The following SV2C variants were observed in gnomAD, a reference collection of about 807,000 sequenced individuals.
SV2C encodes the protein solute carrier family 22 member B3.
Under a neutral mutation model 79.7 loss-of-function variants are expected in SV2C, and 49 were observed. The observed-to-expected ratio is 0.61, with a 90% CI of 0.49 to 0.78. SV2C has a LOEUF of 0.78. Among genes scored for constraint, SV2C ranks in the 30% least tolerant of loss-of-function variants. The pLI, the probability that SV2C is intolerant of heterozygous loss-of-function variation, is 0.00. For missense variants in SV2C, 833 were observed against 912.9 expected, an observed-to-expected ratio of 0.91 and a Z score of 1.13; for synonymous variants, 334 against 333.2, an observed-to-expected ratio of 1.00 and a Z score of -0.03.
chr5:76,083,417 G>C lies in SV2C; in HGVS notation c.-197G>C, dbSNP rs936442091. 1 of 152,450 alleles carries C rather than the reference G, an allele frequency of 6.6e-6. No individual in the cohort carries two copies. Among genetic ancestry groups the C allele is most frequent in the Non-Finnish European group, 1.5e-5 (1 of 68,218 alleles). 9.4% of individuals were successfully genotyped at this position (152,450 alleles called of 1,614,324 possible). A position where few individuals can be genotyped will look rare whatever the true frequency, so the allele number is the denominator to read the frequency against. On this transcript the variant is annotated 5_prime_UTR_variant, in exon 1 of 13. Coordinates refer to ENST00000502798, the MANE Select transcript of SV2C (RefSeq NM_014979.4). ...CGCGCTGCAGGCGAGAGTGGCAGAC[G>C]GAGGCAGCCCGGGGAAGCGAGCCGG...
rs1748022007 is a variant in SV2C, at chr5:76,301,935, A to C, written c.2000+390A>C. On this transcript the variant is annotated intron_variant, in intron 12 of 12. Coordinates refer to ENST00000502798, the MANE Select transcript of SV2C (RefSeq NM_014979.4). ...AAAAAAAAAAAAAAAAAAAAAGCCA[A>C]ACTGTCACTTCCCCAGGAAAGTAAA... Among the ~76,000 whole-genome samples, 4 of 151,564 alleles carry C rather than the reference A, an allele frequency of 2.6e-5. No individual in the cohort carries two copies. The South Asian group carries it at 8.4e-4, about 32-fold the overall frequency.
chr5:75,994,403 G>A, the SV2C span, among the ~76,000 whole-genome samples: 1 of 152,016 alleles, frequency 6.6e-6, no homozygotes, highest in Non-Finnish European at 1.5e-5. Flanking sequence ...CTGAATGTAT[G>A]TCTTTGCTAA....
At chr5:76,286,669 T>A (rs1221102873) in intron 6 of SV2C, 1 of 152,204 alleles carries the variant, frequency 6.6e-6, no homozygotes, top group Non-Finnish European at 1.5e-5. Context: ...TACCCAAGAC[T>A]GGGCAATTTA....
chr5:75,995,951 T>C, the SV2C span, among the ~76,000 whole-genome samples: 4 of 152,238 alleles, frequency 2.6e-5, no homozygotes, highest in African/African-American at 4.8e-5. Flanking sequence ...CCAATGTACA[T>C]GTGGTAGAAA....
At chr5:75,916,849 G>C in the SV2C span, among the ~76,000 whole-genome samples, 1 of 152,174 alleles carries the variant, frequency 6.6e-6, no homozygotes, top group South Asian at 2.1e-4. Flanking sequence ...TGTTCCCCCA[G>C]TGCCAGCCTT....
intron 1 of SV2C, among the ~76,000 whole-genome samples, chr5:76,093,959 T>G (rs185790372): frequency 6.6e-6 from 1 of 152,274 alleles, no homozygotes; most frequent in East Asian, 1.9e-4. Context: ...TCAAGAAATG[T>G]TTTTGGAGCT....
intron 3 of SV2C, among the ~76,000 whole-genome samples, chr5:76,205,692 TA>T (rs1456743515): frequency 6.6e-6 from 1 of 152,242 alleles, no homozygotes. Context: ...TCAGTTAATG[TA>T]AAAGATATTT....
chr5:76,138,876 T>C (rs1434241953), intron 2 of SV2C, among the ~76,000 whole-genome samples: 1 of 152,236 alleles, frequency 6.6e-6, no homozygotes, highest in Non-Finnish European at 1.5e-5. Context: ...CCCAGCACTT[T>C]GGGAGGCTGA....
the SV2C span, among the ~76,000 whole-genome samples, chr5:75,903,347 G>A: frequency 6.6e-6 from 1 of 150,426 alleles, no homozygotes; most frequent in African/African-American, 2.4e-5. Flanking sequence ...GTGTAGGAGT[G>A]AGAGGTACCA....
the SV2C span, among the ~76,000 whole-genome samples, chr5:75,928,385 C>T: frequency 5.3e-5 from 8 of 152,108 alleles, no homozygotes; most frequent in South Asian, 2.1e-4. Flanking sequence ...TGAAAACGCC[C>T]GGGAGATGAT....
intron 4 of SV2C, among the ~76,000 whole-genome samples, chr5:76,277,402 C>G (rs1747055218): frequency 6.6e-6 from 1 of 152,188 alleles, no homozygotes. Context: ...CAACGGAATA[C>G]TACAACACAA....
At chr5:75,850,378 C>CA in the SV2C span, among the ~76,000 whole-genome samples, 1 of 151,908 alleles carries the variant, frequency 6.6e-6, no homozygotes, top group African/African-American at 2.4e-5. Context: ...TATATATTTG[C>CA]AAAAAAATCA....
At chr5:76,102,087 ACCTTT>A (rs1271289157) in intron 1 of SV2C, among the ~76,000 whole-genome samples, 1 of 152,156 alleles carries the variant, frequency 6.6e-6, no homozygotes, top group Admixed American at 6.5e-5. Context: ...TACCTGAATG[ACCTTT>A]GTAAAACACA....
chr5:76,146,797 T>TTTTTAAAA (rs755941303), intron 2 of SV2C, among the ~76,000 whole-genome samples: 1 of 39,348 alleles, frequency 2.5e-5, no homozygotes, highest in African/African-American at 1.4e-4. Context: ...AGTTTTTTTT[T>TTTTTAAAA]AAAAAAAAAA....
intron 6 of SV2C, among the ~76,000 whole-genome samples, chr5:76,289,691 G>A (rs1052342686): frequency 3.9e-5 from 6 of 152,102 alleles, no homozygotes; most frequent in Non-Finnish European, 8.8e-5. Context: ...CAGGAATCGC[G>A]AACTCTTTGC....
chr5:76,126,548 A>T (rs1748711861), intron 1 of SV2C, among the ~76,000 whole-genome samples: 1 of 152,174 alleles, frequency 6.6e-6, no homozygotes, highest in Admixed American at 6.5e-5. Flanking sequence ...GAGGTGTGGC[A>T]TCAGGGATAA....
chr5:76,026,930 C>T, the SV2C span, among the ~76,000 whole-genome samples: 1 of 152,006 alleles, frequency 6.6e-6, no homozygotes, highest in Non-Finnish European at 1.5e-5. Flanking sequence ...CAGACGTTGT[C>T]GTCCAACCCC....
chr5:75,870,798 G>T, the SV2C span, among the ~76,000 whole-genome samples: 1 of 152,188 alleles, frequency 6.6e-6, no homozygotes, highest in Non-Finnish European at 1.5e-5. Flanking sequence ...ATACAATGAA[G>T]CTCCAATACA....
chr5:76,103,443 G>A (rs1036588894), intron 1 of SV2C, among the ~76,000 whole-genome samples: 1 of 152,110 alleles, frequency 6.6e-6, no homozygotes, highest in African/African-American at 2.4e-5. Flanking sequence ...GTCTTAGAAG[G>A]GAATATAATG....
Sources: gnomAD v4.1 joint callset for allele counts (sites outside exome capture counted in the v4.1 genomes callset) on GRCh38, gnomAD v4.1.1 for gene constraint, MANE v1.5 for transcripts, NCBI Gene and HGNC (gene_info 2026-07-23, HGNC 2026-07-21) for gene names.